TBX5: variants seen among roughly 807,000 people sequenced by gnomAD.
The protein encoded by TBX5 is T-box transcription factor 5.
TBX5 carries 8 observed loss-of-function variants against 51.1 expected under a neutral mutation model. The ratio of observed to expected loss-of-function variants is 0.16; its 90% CI spans 0.09 to 0.28. TBX5 has a LOEUF of 0.28. Ranked by LOEUF, TBX5 falls within the 10% of genes least tolerant of loss-of-function variation. TBX5 has a pLI of 1.00. For synonymous variants in TBX5, 302 were observed against 266.4 expected (o/e 1.13, Z -1.30); for missense variants, 589 against 671.7 (o/e 0.88, Z 1.36).
In TBX5 at chr12:114,394,816, T is replaced by C. The variant is rs1871335766; in HGVS notation, c.588A>G (p.Ser196=). 5 of 1,614,096 alleles carry C rather than the reference T, an allele frequency of 3.1e-6. No homozygotes were observed. The highest frequency in any genetic ancestry group is 1.1e-5 in the South Asian group (1 of 91,090). The change falls in exon 6 of 9, where the codon TCA becomes TCG. Residue 196 remains serine (S), a synonymous_variant. Transcript: ENST00000405440. ...CGTGAGTGCAGAACGCTGTATTTTT[T>C]GAGCCAAATCCATTATTTTCATCCG... ...VKADENNGFG[S]KNTAFCTHVF...
chr12:114,363,022 C>T (rs56264126), intron 8 of TBX5, among the ~76,000 whole-genome samples: 14,315 of 152,240 alleles, frequency 0.094, 881 homozygotes, highest in Middle Eastern at 0.15. Context: ...TGCTTGCAAC[C>T]GTATGAGCTT....
chr12:114,374,649 T>C (rs1393542218), intron 7 of TBX5, among the ~76,000 whole-genome samples: 1 of 152,068 alleles, frequency 6.6e-6, no homozygotes, highest in Non-Finnish European at 1.5e-5. Context: ...TCTGGGGTGA[T>C]GGGAATGTTC....
At chr12:114,358,355 G>A (rs1271071451) in intron 8 of TBX5, among the ~76,000 whole-genome samples, 1 of 152,136 alleles carries the variant, frequency 6.6e-6, no homozygotes, top group Non-Finnish European at 1.5e-5. Context: ...ACTGAGAGGT[G>A]GTCCTCAGAT....
chr12:114,359,011 C>T (rs1869084130), intron 8 of TBX5, among the ~76,000 whole-genome samples: 2 of 152,062 alleles, frequency 1.3e-5, no homozygotes, highest in South Asian at 4.1e-4. Flanking sequence ...TGCAGGGCAC[C>T]CTTAGCAAGA....
In TBX5 at chr12:114,369,544, A is replaced by T. The variant is rs139225189; in HGVS notation, c.756-3153T>A. Among the ~76,000 whole-genome samples the T allele has an allele frequency of 9.8e-5, 15 of 152,350 alleles. No individual in the cohort carries two copies. The East Asian group carries it at 2.9e-3, about 29-fold the overall frequency. ...CTTCTCAATCATTATAGAATTACAC[A>T]TGCAAAGGAAAGAAAATGTTAGAAT... On this transcript the variant is annotated intron_variant, in intron 7 of 8. Transcript: ENST00000405440.
intron 6 of TBX5, 48 bp from the exon 7 acceptor site, chr12:114,385,615 G>T: frequency 6.9e-7 from 1 of 1,451,750 alleles, no homozygotes; most frequent in South Asian, 1.1e-5. Context: ...CTTGATTGCT[G>T]CAAGACCACC....
chr12:114,373,101 A>ATGGGTATGAATG (rs1005105831), intron 7 of TBX5, among the ~76,000 whole-genome samples: 27 of 152,186 alleles, frequency 1.8e-4, no homozygotes, highest in African/African-American at 6.0e-4. Flanking sequence ...TTACCCAGCA[A>ATGGGTATGAATG]GGGCTTCAAA....
chr12:114,364,568 T>C (rs141367839), intron 8 of TBX5, among the ~76,000 whole-genome samples: 206 of 152,312 alleles, frequency 1.4e-3, no homozygotes, highest in African/African-American at 4.4e-3. Flanking sequence ...AGACCACAGA[T>C]GTAAACTTTA....
At chr12:114,401,015 C>T (rs1311823788) in intron 3 of TBX5, among the ~76,000 whole-genome samples, 2 of 152,174 alleles carry the variant, frequency 1.3e-5, no homozygotes, top group East Asian at 1.9e-4. Flanking sequence ...TTTTGCTTTG[C>T]GGGACGCGGA....
chr12:114,396,097 C>G (rs995194657), intron 5 of TBX5, among the ~76,000 whole-genome samples: 1 of 152,140 alleles, frequency 6.6e-6, no homozygotes, highest in Non-Finnish European at 1.5e-5. Flanking sequence ...CTTGGACCAA[C>G]CCTGGAGTCC....
upstream of TBX5, among the ~76,000 whole-genome samples, chr12:114,406,401 C>G (rs1872227106): frequency 6.6e-6 from 1 of 152,068 alleles, no homozygotes; most frequent in South Asian, 2.1e-4. Context: ...CAAACGCGGT[C>G]GGCTTCTAAT....
Position 114,398,736 on chromosome 12 carries a change from G to T in TBX5, c.363-16C>A. 2 of 1,592,638 alleles carry T rather than the reference G, an allele frequency of 1.3e-6. No homozygotes were observed. Among genetic ancestry groups the T allele is most frequent in the Non-Finnish European group, 1.7e-6 (2 of 1,169,584 alleles). On this transcript the variant is annotated splice_polypyrimidine_tract_variant and intron_variant, in intron 4 of 8. Coordinates refer to ENST00000405440, the MANE Select transcript of TBX5 (RefSeq NM_181486.4). Reference sequence around the variant, plus strand: ...CGTCACAGACCTAGATGAAGGAGAGGTGTACTAGAGGCCTGGCTCAGAGTC... The same window carrying T: ...CGTCACAGACCTAGATGAAGGAGAGTTGTACTAGAGGCCTGGCTCAGAGTC...
chr12:114,405,135 C>A (rs1425440712), intron 1 of TBX5, among the ~76,000 whole-genome samples: 2 of 152,244 alleles, frequency 1.3e-5, no homozygotes, highest in African/African-American at 4.8e-5. Context: ...CAGATCCCAC[C>A]CTGACCTGCT....
chr12:114,365,825 G>C (rs1395600031), intron 8 of TBX5, among the ~76,000 whole-genome samples: 3 of 93,058 alleles, frequency 3.2e-5, no homozygotes, highest in African/African-American at 1.3e-4. Flanking sequence ...GCAAGATCCT[G>C]TCTCAAAAAA....
intron 8 of TBX5, among the ~76,000 whole-genome samples, chr12:114,363,265 G>A (rs1869340219): frequency 6.6e-6 from 1 of 152,172 alleles, no homozygotes; most frequent in South Asian, 2.1e-4. Context: ...TACTACAGTG[G>A]ATCAGCCCCC....
intron 3 of TBX5, among the ~76,000 whole-genome samples, chr12:114,401,451 G>T (rs73394813): frequency 6.6e-6 from 1 of 152,104 alleles, no homozygotes; most frequent in Non-Finnish European, 1.5e-5. Flanking sequence ...TCTAGACTCT[G>T]TCTTCTCTGG....
At chr12:114,387,810 G>A (rs1870904025) in intron 6 of TBX5, among the ~76,000 whole-genome samples, 1 of 152,156 alleles carries the variant, frequency 6.6e-6, no homozygotes, top group African/African-American at 2.4e-5. Flanking sequence ...ACTTTGCTGT[G>A]AAACTAAAAC....
intron 2 of TBX5, 70 bp from the exon 3 acceptor site, chr12:114,401,990 C>T (rs1191226613): frequency 2.1e-5 from 28 of 1,361,932 alleles, no homozygotes; most frequent in Non-Finnish European, 2.8e-5. Context: ...CCAAACTCCC[C>T]CAAAACACAG....
At position 114,355,179 on chromosome 12, in the gene TBX5, C is replaced by G; in HGVS notation, c.*353G>C. On this transcript the variant is annotated 3_prime_UTR_variant, in exon 9 of 9. Transcript: ENST00000405440. ...TCCAACTACGCACTAGGGAAAAACACTCAATGAGGCAAGACTTTCTAGAGC... is the reference window on the plus strand; with the variant it reads ...TCCAACTACGCACTAGGGAAAAACAGTCAATGAGGCAAGACTTTCTAGAGC... 1 of 379,444 alleles carries G rather than the reference C, an allele frequency of 2.6e-6. No homozygotes were observed. The highest frequency in any genetic ancestry group is 3.7e-5 in the Admixed American group (1 of 27,318). 23.5% of individuals were successfully genotyped at this position (379,444 alleles called of 1,614,324 possible).
Sources: gnomAD v4.1 joint callset for allele counts (sites outside exome capture counted in the v4.1 genomes callset) on GRCh38, gnomAD v4.1.1 for gene constraint, MANE v1.5 for transcripts, NCBI Gene and HGNC (gene_info 2026-07-23, HGNC 2026-07-21) for gene names.